Variants in DNAH11 observed in about 807,000 individuals in gnomAD.
The protein encoded by DNAH11 is axonemal beta dynein heavy chain 11.
In DNAH11, 442 loss-of-function variants were observed where a neutral mutation model predicts 526.0. The observed-to-expected ratio is 0.84, with a 90% CI of 0.78 to 0.91. DNAH11 has a LOEUF of 0.91. Among genes scored for constraint, DNAH11 ranks in the 40% least tolerant of loss-of-function variants. DNAH11 has a pLI of 0.00. For missense variants in DNAH11, 6,989 were observed against 5,448.7 expected (o/e 1.28, Z -8.90); for synonymous variants, 2,461 against 1,935.9 (o/e 1.27, Z -7.12).
chr7:21,772,839 G>A (rs1583679316), intron 55 of DNAH11, among the ~76,000 whole-genome samples: 2 of 152,072 alleles, frequency 1.3e-5, no homozygotes, highest in Admixed American at 6.6e-5. Context: ...GAATTGGCTG[G>A]TCTCTCTTCA....
At chr7:21,554,966 T>G (rs1409863107) in intron 2 of DNAH11, among the ~76,000 whole-genome samples, 1 of 152,218 alleles carries the variant, frequency 6.6e-6, no homozygotes, top group Non-Finnish European at 1.5e-5. Flanking sequence ...CCTCTAACCC[T>G]CCTGCTGCCC....
chr7:21,729,580 C>T (rs73682691), intron 45 of DNAH11, among the ~76,000 whole-genome samples: 13,669 of 152,190 alleles, frequency 0.09, 875 homozygotes, highest in African/African-American at 0.18. Flanking sequence ...TTAGAAATCT[C>T]CTCAGTTAAG....
chr7:21,652,135 A>G (rs1440103250), intron 28 of DNAH11, among the ~76,000 whole-genome samples: 1 of 152,244 alleles, frequency 6.6e-6, no homozygotes, highest in Non-Finnish European at 1.5e-5. Context: ...TGATGACCAG[A>G]CACCACCAGA....
chr7:21,582,610 T>TAA (rs1263638088), intron 9 of DNAH11, among the ~76,000 whole-genome samples: 1 of 152,126 alleles, frequency 6.6e-6, no homozygotes, highest in African/African-American at 2.4e-5. Context: ...GAAATACAGT[T>TAA]AAGAGTTATA....
At position 21,592,004 on chromosome 7, in the gene DNAH11, G is replaced by A. The variant is rs557889415; in HGVS notation, c.2667+427G>A. Among the ~76,000 whole-genome samples, 34 of 152,164 alleles carry A rather than the reference G, an allele frequency of 2.2e-4. 1 individual carries two copies. The South Asian group carries it at 6.8e-3, about 31-fold the overall frequency. ...TACTCTCCTTTTAACAAAGATTTGA[G>A]TTCCTAAAACAGTAACAGGCACTCA... On this transcript the variant is annotated intron_variant, in intron 14 of 81. Coordinates refer to ENST00000409508, the MANE Select transcript of DNAH11 (RefSeq NM_001277115.2).
intron 61 of DNAH11, among the ~76,000 whole-genome samples, chr7:21,789,809 T>TTTC (rs1788375007): frequency 2.5e-3 from 49 of 19,496 alleles, no homozygotes; most frequent in Middle Eastern, 0.042. Context: ...TTCTTTCTTT[T>TTTC]TTCTTTCTTT....
intron 45 of DNAH11, 54 bp downstream of exon 45, chr7:21,726,038 A>T (rs528162726): frequency 7.0e-7 from 1 of 1,434,626 alleles, no homozygotes; most frequent in African/African-American, 1.5e-5. Flanking sequence ...TTGCTATAAA[A>T]AATACCTGCA....
At chr7:21,611,749 T>C (rs2128450962) in intron 20 of DNAH11, among the ~76,000 whole-genome samples, 1 of 152,318 alleles carries the variant, frequency 6.6e-6, no homozygotes, top group African/African-American at 2.4e-5. Context: ...CAGAAGGTAG[T>C]GGATGATGTC....
chr7:21,818,245 G>C lies in DNAH11; in HGVS notation c.10597G>C (p.Ala3533Pro). 1 of 1,611,830 alleles carries C rather than the reference G, an allele frequency of 6.2e-7. No homozygotes were observed. Among genetic ancestry groups the C allele is most frequent in the Non-Finnish European group, 8.5e-7 (1 of 1,178,898 alleles). Residue 3533 changes from alanine (A) to proline (P), a missense_variant, in exon 65 of 82, where the codon GCC becomes CCC. By Grantham distance (27) the Ala-to-Pro change is conservative (BLOSUM62 -1). Transcript: ENST00000409508. ...GFLNAIETALAFGDVILIENL... is the reference protein window; with the variant it reads ...GFLNAIETALPFGDVILIENL... ...TTTGAATGCCATTGAAACTGCTTTG[G>C]CCTTTGGTGATGTCATCTTAATTGA...
In DNAH11 at chr7:21,639,638, C is replaced by A; in HGVS notation, c.4944+573C>A. On this transcript the variant is annotated intron_variant, in intron 28 of 81. Transcript: ENST00000409508. ...TAAAGCAAATAAAAACAGATACTAT[C>A]TTGTGTAATCTGAGAGCTCAGATCA... is the stretch of plus-strand genomic sequence containing the variant. Among the ~76,000 whole-genome samples the A allele has an allele frequency of 1.3e-5, 2 of 152,268 alleles. 1 individual carries two copies. Among genetic ancestry groups the A allele is most frequent in the Middle Eastern group, 6.8e-3 (2 of 294 alleles).
At chr7:21,578,307 G>A (rs1325387119) in intron 8 of DNAH11, among the ~76,000 whole-genome samples, 1 of 152,204 alleles carries the variant, frequency 6.6e-6, no homozygotes, top group Admixed American at 6.5e-5. Flanking sequence ...AGGGGCTACA[G>A]GCCCTGTGCA....
intron 14 of DNAH11, among the ~76,000 whole-genome samples, chr7:21,598,445 T>C (rs1784947214): frequency 6.6e-6 from 1 of 152,156 alleles, no homozygotes; most frequent in Non-Finnish European, 1.5e-5. Flanking sequence ...GGCTTGTCCA[T>C]TGTGTCGCCC....
intron 77 of DNAH11, among the ~76,000 whole-genome samples, chr7:21,893,663 T>C (rs907641061): frequency 2.0e-5 from 3 of 152,212 alleles, no homozygotes; most frequent in Non-Finnish European, 4.4e-5. Flanking sequence ...GCTGTCTACA[T>C]AGAATTAGTA....
chr7:21,661,826 A>G (rs938348796), intron 30 of DNAH11, among the ~76,000 whole-genome samples: 13 of 149,624 alleles, frequency 8.7e-5, no homozygotes, highest in African/African-American at 2.4e-4. Flanking sequence ...GGAAAATACT[A>G]TTTTTTTTTT....
At chr7:21,678,812 CATT>C (rs2128471547) in intron 30 of DNAH11, among the ~76,000 whole-genome samples, 1 of 152,168 alleles carries the variant, frequency 6.6e-6, no homozygotes, top group East Asian at 1.9e-4. Flanking sequence ...TTATGGAAAA[CATT>C]ATGAACATTC....
chr7:21,860,638 A>G (rs1783026193), intron 68 of DNAH11, among the ~76,000 whole-genome samples: 1 of 152,196 alleles, frequency 6.6e-6, no homozygotes, highest in Admixed American at 6.5e-5. Flanking sequence ...TTTCTCATAC[A>G]TGCTGCAACG....
Position 21,561,096 on chromosome 7 carries a change from T to C in DNAH11, c.908T>C (p.Met303Thr). ...DQLQAPVVLK[M>T]VKILTTKQSS... ...CTTCAGGCACCTGTTGTCCTCAAAA[T>C]GGTTAAGATCCTGACAACTAAACAA... Residue 303 changes from methionine to threonine, a missense_variant, in exon 5 of 82, where the codon ATG becomes ACG. Coordinates refer to ENST00000409508, the MANE Select transcript of DNAH11 (RefSeq NM_001277115.2). The C allele has an allele frequency of 6.2e-7, 1 of 1,602,648 alleles. No homozygotes were observed. The highest frequency in any genetic ancestry group is 8.5e-7 in the Non-Finnish European group (1 of 1,174,208).
intron 61 of DNAH11, among the ~76,000 whole-genome samples, chr7:21,794,193 A>G (rs549913477): frequency 7.2e-5 from 11 of 152,232 alleles, no homozygotes; most frequent in African/African-American, 2.2e-4. Context: ...TTAAACTACT[A>G]TTTTGAATTA....
Position 21,764,041 on chromosome 7 carries a change from G to T in DNAH11, c.8941-1387G>T, listed in dbSNP as rs181795734. Among the ~76,000 whole-genome samples, 9 of 152,078 alleles carry T rather than the reference G, an allele frequency of 5.9e-5. No homozygotes were observed. In the East Asian group the frequency reaches 1.7e-3, roughly 29 times the overall value. ...TGGTTACCAGGAGCTGGAGGGAGGGGAAATAGAGAGTTTCCATTCAATGGG... is the reference window on the plus strand; with the variant it reads ...TGGTTACCAGGAGCTGGAGGGAGGGTAAATAGAGAGTTTCCATTCAATGGG... On this transcript the variant is annotated intron_variant, in intron 54 of 81. Transcript: ENST00000409508.
Sources: gnomAD v4.1 joint callset for allele counts (sites outside exome capture counted in the v4.1 genomes callset) on GRCh38, gnomAD v4.1.1 for gene constraint, MANE v1.5 for transcripts, NCBI Gene and HGNC (gene_info 2026-07-23, HGNC 2026-07-21) for gene names.